ADARB2: variants seen among roughly 807,000 people sequenced by gnomAD.
ADARB2 encodes adenosine deaminase RNA specific B2 (inactive), also known as inactive double-stranded RNA-specific editase B2.
A neutral mutation model predicts 62.2 loss-of-function variants in ADARB2; 25 were observed. The ratio of observed to expected loss-of-function variants is 0.40; its 90% CI spans 0.29 to 0.56. The LOEUF is 0.56. Among genes scored for constraint, ADARB2 ranks in the 20% least tolerant of loss-of-function variants. ADARB2 has a pLI of 0.43. For missense variants in ADARB2, 1,071 were observed against 1,077.4 expected, an observed-to-expected ratio of 0.99 and a Z score of 0.08; for synonymous variants, 572 against 500.8, an observed-to-expected ratio of 1.14 and a Z score of -1.90.
At chr10:1,465,552 A>T (rs1588268382) in intron 1 of ADARB2, among the ~76,000 whole-genome samples, 1 of 152,316 alleles carries the variant, frequency 6.6e-6, no homozygotes, top group African/African-American at 2.4e-5. Context: ...CGCCCTGTAG[A>T]CCAGCTCACT....
intron 1 of ADARB2, among the ~76,000 whole-genome samples, chr10:1,540,231 T>C (rs951699831): frequency 2.0e-5 from 3 of 152,090 alleles, no homozygotes; most frequent in Non-Finnish European, 4.4e-5. Flanking sequence ...CCGTGGGTCC[T>C]GAGATGAGCA....
At chr10:1,555,640 G>C (rs1157463038) in intron 1 of ADARB2, among the ~76,000 whole-genome samples, 1 of 152,110 alleles carries the variant, frequency 6.6e-6, no homozygotes, top group Non-Finnish European at 1.5e-5. Flanking sequence ...AGGGCCTTAT[G>C]AAAACATATA....
chr10:1,410,275 G>A lies in ADARB2; in HGVS notation c.101-31115C>T, dbSNP rs113706179. ...GGTGCCGAGGCCTGGCCGTGGTCAT[G>A]GGGAAGGATTCTCAGTGGTGCTGAG... On this transcript the variant is annotated intron_variant, in intron 1 of 9. Coordinates refer to ENST00000381312, the MANE Select transcript of ADARB2 (RefSeq NM_018702.4). 1.6e-4 allele frequency among the ~76,000 whole-genome samples: 20 copies of A among 122,566 alleles called. No homozygotes were observed. The East Asian group carries it at 1.7e-3, about 10-fold the overall frequency. 80.4% of individuals were successfully genotyped at this position (122,566 alleles called of 152,430 possible). A position where few individuals can be genotyped will look rare whatever the true frequency, so the allele number is the denominator to read the frequency against.
chr10:1,672,574 CG>C (rs1834401754), intron 1 of ADARB2, among the ~76,000 whole-genome samples: 1 of 152,026 alleles, frequency 6.6e-6, no homozygotes, highest in South Asian at 2.1e-4. Context: ...CCCCCATGCA[CG>C]CGCTTCGCCT....
intron 1 of ADARB2, chr10:1,557,026 G>A: frequency 2.7e-6 from 1 of 368,168 alleles, no homozygotes; most frequent in Non-Finnish European, 5.5e-6. Context: ...TGAGTCCTGT[G>A]GTCATCACCA....
At chr10:1,671,230 C>T (rs994805620) in intron 1 of ADARB2, among the ~76,000 whole-genome samples, 1 of 152,200 alleles carries the variant, frequency 6.6e-6, no homozygotes, top group Admixed American at 6.5e-5. Flanking sequence ...ATCTCGCCCC[C>T]ACCCGCCTTG....
intron 3 of ADARB2, among the ~76,000 whole-genome samples, chr10:1,331,284 C>T (rs1831925401): frequency 6.6e-6 from 1 of 152,218 alleles, no homozygotes; most frequent in African/African-American, 2.4e-5. Flanking sequence ...CATATATCTA[C>T]ATAAAACCAC....
chr10:1,211,672 T>C (rs1837154342), intron 7 of ADARB2, among the ~76,000 whole-genome samples: 1 of 152,204 alleles, frequency 6.6e-6, no homozygotes. Context: ...ATTTCCATGG[T>C]GTAAGCACCA....
chr10:1,202,651 C>A (rs10903404), intron 7 of ADARB2, among the ~76,000 whole-genome samples: 40,047 of 152,128 alleles, frequency 0.26, 5,721 homozygotes, highest in African/African-American at 0.35. Context: ...GAAAGGACCC[C>A]GTGCAGGGCC....
At chr10:1,248,210 G>A (rs1192600070) in intron 4 of ADARB2, among the ~76,000 whole-genome samples, 2 of 152,036 alleles carry the variant, frequency 1.3e-5, no homozygotes, top group Non-Finnish European at 2.9e-5. Flanking sequence ...GGTGTGCGAC[G>A]TGTCAGTCAT....
At chr10:1,675,868 C>T in intron 1 of ADARB2, 1 of 749,526 alleles carries the variant, frequency 1.3e-6, no homozygotes, top group Non-Finnish European at 1.6e-6. Context: ...AGGGCAGAGG[C>T]CAGCCTCAGC....
At chr10:1,672,710 GCCTGCCTCCTCCACGCACCGCAAGGCT>G (rs1564364111) in intron 1 of ADARB2, among the ~76,000 whole-genome samples, 1 of 86,792 alleles carries the variant, frequency 1.2e-5, no homozygotes. Flanking sequence ...CAGGCCCCCC[GCCTGCCTCCTCCACGCACCGCAAGGCT>G]CCTGCCTCCC....
intron 3 of ADARB2, among the ~76,000 whole-genome samples, chr10:1,280,731 ATT>A (rs1252653051): frequency 6.6e-6 from 1 of 151,886 alleles, no homozygotes; most frequent in Non-Finnish European, 1.5e-5. Flanking sequence ...GCTCTATGAT[ATT>A]CCTAAGTGAT....
intron 1 of ADARB2, among the ~76,000 whole-genome samples, chr10:1,590,153 G>T (rs567345669): frequency 6.6e-6 from 1 of 152,290 alleles, no homozygotes; most frequent in African/African-American, 2.4e-5. Context: ...TGGTATCATC[G>T]CAAGGCATAG....
intron 3 of ADARB2, among the ~76,000 whole-genome samples, chr10:1,306,699 T>G (rs1162429110): frequency 1.3e-5 from 1 of 76,872 alleles, no homozygotes; most frequent in African/African-American, 3.5e-5. Flanking sequence ...ATGGTACTGG[T>G]ACCAAAACAG....
chr10:1,205,535 G>A (rs1242081039), intron 7 of ADARB2, among the ~76,000 whole-genome samples: 1 of 152,238 alleles, frequency 6.6e-6, no homozygotes, highest in Non-Finnish European at 1.5e-5. Context: ...CCAAGGGGAA[G>A]GGAGCCCAGT....
chr10:1,258,870 C>T (rs1831105482), intron 4 of ADARB2, among the ~76,000 whole-genome samples: 1 of 152,170 alleles, frequency 6.6e-6, no homozygotes, highest in African/African-American at 2.4e-5. Context: ...CACACCACAC[C>T]TATTCCAAAA....
At chr10:1,642,601 A>T (rs1044653961) in intron 1 of ADARB2, among the ~76,000 whole-genome samples, 58 of 152,210 alleles carry the variant, frequency 3.8e-4, no homozygotes, top group Non-Finnish European at 8.8e-5. Context: ...ATAAAGAAGG[A>T]GCTACTAGAG....
chr10:1,394,950 T>C, intron 1 of ADARB2: 1 of 455,472 alleles, frequency 2.2e-6, no homozygotes, highest in Middle Eastern at 4.6e-4. Flanking sequence ...CGACAAGATC[T>C]TGCTCTGTCC....
Sources: gnomAD v4.1 joint callset for allele counts (sites outside exome capture counted in the v4.1 genomes callset) on GRCh38, gnomAD v4.1.1 for gene constraint, MANE v1.5 for transcripts, NCBI Gene and HGNC (gene_info 2026-07-23, HGNC 2026-07-21) for gene names.